Variants in PRKN observed in about 807,000 individuals in gnomAD.
The protein encoded by PRKN is E3 ubiquitin-protein ligase parkin.
Under a neutral mutation model 59.5 loss-of-function variants are expected in PRKN, and 56 were observed. That is an observed-to-expected ratio of 0.94 (90% CI 0.76 to 1.18). PRKN has a LOEUF of 1.18. Among genes scored for constraint, PRKN ranks in the 50% most tolerant of loss-of-function variants. The pLI is 0.00. For missense variants in PRKN, 657 were observed against 596.4 expected (o/e 1.10, Z -1.06); for synonymous variants, 250 against 222.1 (o/e 1.13, Z -1.12).
At chr6:161,680,752 TATATATATATATATATA>T (rs1236809583) in intron 7 of PRKN, among the ~76,000 whole-genome samples, 1,528 of 33,440 alleles carry the variant, frequency 0.046, 122 homozygotes, top group South Asian at 0.13. Context: ...TATATATATA[TATATATATATATATATA>T]TATATATTTT....
chr6:161,770,156 C>A (rs1006446181), intron 7 of PRKN, among the ~76,000 whole-genome samples: 1 of 152,138 alleles, frequency 6.6e-6, no homozygotes, highest in African/African-American at 2.4e-5. Flanking sequence ...TCCCCAGGGA[C>A]ACTGCGTTGA....
chr6:162,501,855 C>T (rs754425184), intron 1 of PRKN, among the ~76,000 whole-genome samples: 74 of 152,252 alleles, frequency 4.9e-4, no homozygotes, highest in Non-Finnish European at 9.0e-4. Context: ...ACCAAGTATT[C>T]ACCCTTAGGC....
At chr6:162,362,914 G>T (rs1372469842) in intron 2 of PRKN, among the ~76,000 whole-genome samples, 1 of 151,666 alleles carries the variant, frequency 6.6e-6, no homozygotes, top group Non-Finnish European at 1.5e-5. Flanking sequence ...GGATCACGAG[G>T]TCAGGAGATC....
chr6:161,366,638 A>C (rs1785210256), intron 10 of PRKN, among the ~76,000 whole-genome samples: 1 of 152,198 alleles, frequency 6.6e-6, no homozygotes, highest in East Asian at 1.9e-4. Flanking sequence ...TTGAAAGTCT[A>C]ACTCTAGAGT....
At chr6:162,234,302 C>A (rs1778550121) in intron 3 of PRKN, among the ~76,000 whole-genome samples, 1 of 152,128 alleles carries the variant, frequency 6.6e-6, no homozygotes, top group Non-Finnish European at 1.5e-5. Flanking sequence ...TGGAGCCAGG[C>A]CCCAGTGAGC....
At chr6:162,419,850 G>A (rs1026167578) in intron 2 of PRKN, among the ~76,000 whole-genome samples, 4 of 151,888 alleles carry the variant, frequency 2.6e-5, no homozygotes, top group African/African-American at 9.7e-5. Flanking sequence ...GAAAGTTGCT[G>A]GACCAGGGAA....
At chr6:162,278,033 T>A (rs1489520172) in intron 2 of PRKN, among the ~76,000 whole-genome samples, 5 of 152,162 alleles carry the variant, frequency 3.3e-5, no homozygotes, top group Non-Finnish European at 1.5e-5. Flanking sequence ...ATGTTCTTCA[T>A]CAGGTGAATG....
rs61133511 is a variant in PRKN at position 161,525,130 on chromosome 6, G to GGTGTGT, written c.1083+23718_1083+23723dup. 1.3e-3 allele frequency among the ~76,000 whole-genome samples: 196 copies of GGTGTGT among 149,418 alleles called. No individual in the cohort carries two copies. The highest frequency in any genetic ancestry group is 0.01 in the Middle Eastern group (3 of 294). On this transcript the variant is annotated intron_variant, in intron 9 of 11. Transcript: ENST00000366898. This position sits in a 1 kb window ranked among gnomAD's most constrained non-coding sequence, Gnocchi z 4.7. ...TGACACATTCATTCATTTTCTAAAA[G>GGTGTGT]GTGTGTGTGTGTGTGTGTGTGTATG...
In PRKN at chr6:161,894,264, A is replaced by G. The variant is rs148155187; in HGVS notation, c.734+79038T>C. Among the ~76,000 whole-genome samples the G allele has an allele frequency of 2.3e-3, 357 of 152,138 alleles. 1 individual carries two copies. In the South Asian group the frequency reaches 0.025, roughly 10 times the overall value. On this transcript the variant is annotated intron_variant, in intron 6 of 11. Coordinates refer to ENST00000366898, the MANE Select transcript of PRKN (RefSeq NM_004562.3). Reference sequence around the variant, plus strand: ...TTCCCATGAATTCCTTTCCTTTTCTACTGTGGTCACTGATTTCATGCGAGT... The same window carrying G: ...TTCCCATGAATTCCTTTCCTTTTCTGCTGTGGTCACTGATTTCATGCGAGT...
At chr6:162,398,218 T>C (rs1787573069) in intron 2 of PRKN, among the ~76,000 whole-genome samples, 1 of 152,048 alleles carries the variant, frequency 6.6e-6, no homozygotes, top group African/African-American at 2.4e-5. Context: ...ATAAAAGGCT[T>C]CTAGTATCAT....
At chr6:162,139,216 G>T (rs537666044) in intron 4 of PRKN, among the ~76,000 whole-genome samples, 21 of 152,262 alleles carry the variant, frequency 1.4e-4, no homozygotes, top group African/African-American at 5.1e-4. Flanking sequence ...ACCAAAGGAG[G>T]CTCTTAATGC....
chr6:162,716,774 A>G (rs571446258), intron 1 of PRKN, among the ~76,000 whole-genome samples: 11 of 132,180 alleles, frequency 8.3e-5, no homozygotes, highest in South Asian at 2.3e-4. Flanking sequence ...GCGCGCACGC[A>G]CACACACACG....
chr6:161,799,854 G>A (rs1360748644), intron 6 of PRKN, among the ~76,000 whole-genome samples: 1 of 152,176 alleles, frequency 6.6e-6, no homozygotes, highest in African/African-American at 2.4e-5. Flanking sequence ...TGGCGTAAGA[G>A]GGTTTGCAGG....
rs181704981 is a variant in PRKN, at chr6:162,504,967, C to T, written c.8-61494G>A. Among the ~76,000 whole-genome samples, 399 of 152,250 alleles carry T rather than the reference C, an allele frequency of 2.6e-3. 3 individuals carry two copies. The highest frequency in any genetic ancestry group is 9.0e-3 in the African/African-American group (374 of 41,562). Reference sequence around the variant, plus strand: ...CTCCACCTCAGCATGAATCAGGGAACGCTGAGGAACATGGCAAGGCTGCCC... The same window carrying T: ...CTCCACCTCAGCATGAATCAGGGAATGCTGAGGAACATGGCAAGGCTGCCC... On this transcript the variant is annotated intron_variant, in intron 1 of 11. Coordinates refer to ENST00000366898, the MANE Select transcript of PRKN (RefSeq NM_004562.3).
At chr6:162,134,470 A>G (rs1362456236) in intron 4 of PRKN, among the ~76,000 whole-genome samples, 1 of 152,202 alleles carries the variant, frequency 6.6e-6, no homozygotes, top group East Asian at 1.9e-4. Context: ...TGTGCAGAAC[A>G]TTTCAGAGCT....
At chr6:162,546,873 C>G (rs1439812962) in intron 1 of PRKN, among the ~76,000 whole-genome samples, 1 of 152,172 alleles carries the variant, frequency 6.6e-6, no homozygotes, top group Non-Finnish European at 1.5e-5. Context: ...AGGCACTGAT[C>G]AGGAAAACAG....
chr6:161,974,221 A>G (rs1780938479), intron 5 of PRKN, among the ~76,000 whole-genome samples: 1 of 152,170 alleles, frequency 6.6e-6, no homozygotes, highest in East Asian at 1.9e-4. Context: ...TTGAGGTTGC[A>G]ATGAGCTGAG....
intron 6 of PRKN, among the ~76,000 whole-genome samples, chr6:161,960,885 C>T (rs1294345886): frequency 1.3e-5 from 2 of 152,162 alleles, no homozygotes; most frequent in Non-Finnish European, 2.9e-5. Context: ...AGAATTTTCA[C>T]TAATGAATAT....
At chr6:161,717,077 A>G (rs1787015964) in intron 7 of PRKN, among the ~76,000 whole-genome samples, 1 of 152,236 alleles carries the variant, frequency 6.6e-6, no homozygotes, top group Admixed American at 6.5e-5. Flanking sequence ...TACTAGGGAC[A>G]GATGTGAAAC....
Sources: gnomAD v4.1 joint callset for allele counts (sites outside exome capture counted in the v4.1 genomes callset) on GRCh38, gnomAD v4.1.1 for gene constraint, Gnocchi (gnomAD v3.1) non-coding constraint, MANE v1.5 for transcripts, NCBI Gene and HGNC (gene_info 2026-07-23, HGNC 2026-07-21) for gene names.